Variants in TASP1 observed in about 807,000 individuals in gnomAD.
The protein encoded by TASP1 is taspase 1.
TASP1 carries 16 observed loss-of-function variants against 56.6 expected under a neutral mutation model. The observed-to-expected ratio is 0.28, with a 90% CI of 0.19 to 0.43. The LOEUF (loss-of-function observed/expected upper bound fraction) is 0.43. Ranked by LOEUF, TASP1 falls within the 20% of genes least tolerant of loss-of-function variation. The pLI, the probability that TASP1 is intolerant of heterozygous loss-of-function variation, is 1.00. For synonymous variants in TASP1, 179 were observed against 184.2 expected, an observed-to-expected ratio of 0.97 and a Z score of 0.23; for missense variants, 393 against 511.6, an observed-to-expected ratio of 0.77 and a Z score of 2.24.
intron 5 of TASP1, among the ~76,000 whole-genome samples, chr20:13,581,504 G>C (rs569120619): frequency 6.6e-6 from 1 of 152,288 alleles, no homozygotes; most frequent in South Asian, 2.1e-4. Context: ...AGACAGAACG[G>C]GGAAATGTCC....
chr20:13,164,532 G>A, the TASP1 span: 1 of 576,340 alleles, frequency 1.7e-6, no homozygotes, highest in East Asian at 3.2e-5. Context: ...AACATTCATA[G>A]TATGGAGTTA....
At chr20:13,288,269 T>G in the TASP1 span, among the ~76,000 whole-genome samples, 1 of 152,216 alleles carries the variant, frequency 6.6e-6, no homozygotes, top group Non-Finnish European at 1.5e-5. Flanking sequence ...CCCCATGCTG[T>G]GCAAATGTAT....
At chr20:13,274,461 C>A in the TASP1 span, among the ~76,000 whole-genome samples, 5 of 152,214 alleles carry the variant, frequency 3.3e-5, no homozygotes, top group African/African-American at 4.8e-5. Flanking sequence ...CCCCTGGCAA[C>A]CTGCCTTTGC....
At chr20:13,332,912 C>T in the TASP1 span, among the ~76,000 whole-genome samples, 3 of 152,162 alleles carry the variant, frequency 2.0e-5, no homozygotes, top group Non-Finnish European at 2.9e-5. Context: ...TAACATGCTT[C>T]GAGTCTTCCT....
At chr20:13,385,526 G>A (rs185501093), downstream of TASP1, among the ~76,000 whole-genome samples, 3 of 152,326 alleles carry the variant, frequency 2.0e-5, no homozygotes, top group African/African-American at 7.2e-5. Context: ...GCAGACTGGT[G>A]AGTCCACCCT....
intron 4 of TASP1, among the ~76,000 whole-genome samples, chr20:13,609,548 C>G (rs371938586): frequency 3.9e-5 from 6 of 151,972 alleles, no homozygotes; most frequent in African/African-American, 1.5e-4. Context: ...ATTAGTCGGG[C>G]ATGGCGGTGG....
chr20:13,448,477 A>G (rs1250272780), intron 11 of TASP1, among the ~76,000 whole-genome samples: 1 of 152,106 alleles, frequency 6.6e-6, no homozygotes, highest in Non-Finnish European at 1.5e-5. Flanking sequence ...TCATAATTTA[A>G]TTAACTGTGA....
rs563499466 is a variant in TASP1, at chr20:13,404,804, T to A, written c.1170+12644A>T. On this transcript the variant is annotated intron_variant, in intron 13 of 13. Coordinates refer to ENST00000337743, the MANE Select transcript of TASP1 (RefSeq NM_017714.3). ...TTCTAGTCAAACACCTATTTCTATA[T>A]CAATTTTGATTTCTTAATTTATCTT... is the stretch of plus-strand genomic sequence containing the variant. Among the ~76,000 whole-genome samples the A allele has an allele frequency of 1.3e-4, 20 of 152,284 alleles. 1 individual carries two copies. The highest frequency in any genetic ancestry group is 4.6e-4 in the African/African-American group (19 of 41,548).
At chr20:13,224,732 C>T in the TASP1 span, among the ~76,000 whole-genome samples, 14 of 151,928 alleles carry the variant, frequency 9.2e-5, no homozygotes, top group South Asian at 2.1e-4. Flanking sequence ...ATATCAAGGA[C>T]GCCCAATAAA....
At chr20:13,160,308 C>G in the TASP1 span, among the ~76,000 whole-genome samples, 1 of 152,190 alleles carries the variant, frequency 6.6e-6, no homozygotes, top group Non-Finnish European at 1.5e-5. Flanking sequence ...AACACTGTGA[C>G]CACTCAGTAG....
chr20:13,219,922 G>A, the TASP1 span, among the ~76,000 whole-genome samples: 2 of 152,190 alleles, frequency 1.3e-5, no homozygotes, highest in African/African-American at 2.4e-5. Context: ...AATCTTTCTA[G>A]GACGCGGAGA....
At chr20:13,454,997 A>C (rs570394411) in intron 11 of TASP1, among the ~76,000 whole-genome samples, 8 of 152,206 alleles carry the variant, frequency 5.3e-5, no homozygotes, top group African/African-American at 1.9e-4. Flanking sequence ...TTAATTGCAT[A>C]TTTTTACATT....
chr20:13,587,736 AAC>A (rs1491088443), intron 4 of TASP1, among the ~76,000 whole-genome samples: 1 of 152,018 alleles, frequency 6.6e-6, no homozygotes, highest in Non-Finnish European at 1.5e-5. Flanking sequence ...TCAAAAAAAA[AAC>A]ACAGAAAAAA....
intron 10 of TASP1, among the ~76,000 whole-genome samples, chr20:13,519,329 A>G: frequency 6.6e-6 from 1 of 152,118 alleles, no homozygotes; most frequent in East Asian, 1.9e-4. Flanking sequence ...AATCTACAGT[A>G]AAAGTTGAAA....
chr20:13,407,527 T>C (rs1456729031), intron 13 of TASP1, among the ~76,000 whole-genome samples: 1 of 152,246 alleles, frequency 6.6e-6, no homozygotes, highest in African/African-American at 2.4e-5. Context: ...TGAATAATGC[T>C]GCTATAAGTA....
intron 4 of TASP1, among the ~76,000 whole-genome samples, chr20:13,606,115 T>C (rs1038725287): frequency 7.1e-6 from 1 of 140,850 alleles, no homozygotes; most frequent in Non-Finnish European, 1.5e-5. Flanking sequence ...CCCATAAATA[T>C]AGACTGCATG....
chr20:13,167,009 C>A, the TASP1 span: 1 of 152,124 alleles, frequency 6.6e-6, no homozygotes, highest in East Asian at 1.9e-4. Context: ...AACAAAAGGA[C>A]CTGTTTCTGT....
chr20:13,276,081 GCAGTT>G, the TASP1 span, among the ~76,000 whole-genome samples: 1 of 152,198 alleles, frequency 6.6e-6, no homozygotes, highest in Non-Finnish European at 1.5e-5. Flanking sequence ...TCTTTCCATG[GCAGTT>G]ATCGAGGAAG....
intron 10 of TASP1, among the ~76,000 whole-genome samples, chr20:13,502,015 C>T (rs185809799): frequency 1.3e-5 from 2 of 151,766 alleles, no homozygotes; most frequent in Admixed American, 6.6e-5. Context: ...CACTTAGTAA[C>T]AAAGCATCTA....
Sources: allele counts gnomAD v4.1 joint callset (sites outside exome capture counted in the v4.1 genomes callset), GRCh38; gene constraint gnomAD v4.1.1; transcripts MANE v1.5; gene names NCBI Gene and HGNC (gene_info 2026-07-23, HGNC 2026-07-21).